Variants in TET2 observed in about 807,000 individuals in gnomAD.
TET2 encodes tet methylcytosine dioxygenase 2, also known as methylcytosine dioxygenase TET2.
In TET2, 299 loss-of-function variants were observed where a neutral mutation model predicts 142.9. That is an observed-to-expected ratio of 2.09 (90% CI 1.90 to 2.30). TET2 has a LOEUF of 2.30. Ranked by LOEUF, TET2 falls within the 30% of genes most tolerant of loss-of-function variation. TET2 has a pLI of 0.00. For missense variants in TET2, 2,418 were observed against 2,378.0 expected (o/e 1.02, Z -0.35); for synonymous variants, 819 against 849.0 (o/e 0.96, Z 0.61).
chr4:105,273,590 A>G (rs1731066519), intron 10 of TET2, among the ~76,000 whole-genome samples: 2 of 152,238 alleles, frequency 1.3e-5, no homozygotes, highest in African/African-American at 4.8e-5. Flanking sequence ...AAACACTGGA[A>G]TGAAAGAGAA....
At chr4:105,172,415 C>A (rs934185001) in intron 1 of TET2, 3 of 152,162 alleles carry the variant, frequency 2.0e-5, no homozygotes, top group African/African-American at 7.2e-5. Context: ...AATATATTTA[C>A]TATTTATTAA....
In TET2 at chr4:105,236,005, AT is replaced by A; in HGVS notation, c.2065del (p.Ser689ProfsTer11). The A allele has an allele frequency of 6.2e-7, 1 of 1,614,186 alleles. No homozygotes were observed. ...GTRFHFQQRADSQTEKLMSPV... is the reference protein window; with the variant it reads ...GTRFHFQQRAXSQTEKLMSPV... ...AGATTTCATTTTCAACAAAGAGCAG[AT>A]TCCCAAACTGAAAAACTTATGTCCC... On this transcript the variant is annotated frameshift_variant, in exon 3 of 11. Coordinates refer to ENST00000380013, the MANE Select transcript of TET2 (RefSeq NM_001127208.3). LOFTEE classifies it high-confidence loss of function.
At chr4:105,262,516 A>T (rs1382957159) in intron 8 of TET2, among the ~76,000 whole-genome samples, 4 of 152,124 alleles carry the variant, frequency 2.6e-5, no homozygotes, top group African/African-American at 9.7e-5. Flanking sequence ...GTGAAAGTCT[A>T]TTACAAACTA....
chr4:105,261,897 T>A, intron 8 of TET2, 49 bp downstream of exon 8: 6 of 1,062,648 alleles, frequency 5.6e-6, no homozygotes, highest in Non-Finnish European at 8.3e-6. Flanking sequence ...TACTTGTTAC[T>A]AATGACCTAT....
At position 105,190,605 on chromosome 4, in the gene TET2, C is replaced by A. The variant is rs1195472406; in HGVS notation, c.-47+100C>A. 6 of 640,910 alleles carry A rather than the reference C, an allele frequency of 9.4e-6. No individual in the cohort carries two copies. The East Asian group carries it at 1.6e-4, about 17-fold the overall frequency. 39.7% of individuals were successfully genotyped at this position (640,910 alleles called of 1,614,324 possible). Reference sequence around the variant, plus strand: ...CAAACTTCAACTTCAAGTTACCCTGCACCCTCTCAAATACTTTTCTTTATT... The same window carrying A: ...CAAACTTCAACTTCAAGTTACCCTGAACCCTCTCAAATACTTTTCTTTATT... On this transcript the variant is annotated intron_variant, in intron 2 of 10. Coordinates refer to ENST00000380013, the MANE Select transcript of TET2 (RefSeq NM_001127208.3).
chr4:105,196,466 T>A (rs992744884), intron 2 of TET2, among the ~76,000 whole-genome samples: 1 of 152,160 alleles, frequency 6.6e-6, no homozygotes, highest in Non-Finnish European at 1.5e-5. Context: ...AAGAACTCAG[T>A]ACAGAAAACC....
At chr4:105,162,744 C>T (rs1452678277) in intron 1 of TET2, among the ~76,000 whole-genome samples, 1 of 152,140 alleles carries the variant, frequency 6.6e-6, no homozygotes, top group Non-Finnish European at 1.5e-5. Context: ...TTATTATTTA[C>T]ATTTTATTTT....
Position 105,276,845 on chromosome 4 carries a change from C to CCCCCCCA in TET2, c.*330_*331insCCACCCC. 5 of 213,032 alleles carry CCCCCCCA rather than the reference C, an allele frequency of 2.3e-5. No homozygotes were observed. The highest frequency in any genetic ancestry group is 4.6e-5 in the Non-Finnish European group (5 of 107,740). 13.2% of individuals were successfully genotyped at this position (213,032 alleles called of 1,614,324 possible). A position where few individuals can be genotyped will look rare whatever the true frequency, so the allele number is the denominator to read the frequency against. On this transcript the variant is annotated 3_prime_UTR_variant, in exon 11 of 11. Coordinates refer to ENST00000380013, the MANE Select transcript of TET2 (RefSeq NM_001127208.3). ...GATGATATGTAAATGTGATCCCCCC[C>CCCCCCCA]CCCCGCTTACAACTCTACACATCTG...
chr4:105,164,868 ATATATAT>A (rs1724071697), intron 1 of TET2, among the ~76,000 whole-genome samples: 2 of 152,184 alleles, frequency 1.3e-5, no homozygotes, highest in African/African-American at 4.8e-5. Context: ...TTCAATCAAG[ATATATAT>A]TATGAGCTCA....
At chr4:105,226,766 CT>C in intron 2 of TET2, among the ~76,000 whole-genome samples, 1 of 152,242 alleles carries the variant, frequency 6.6e-6, no homozygotes, top group Non-Finnish European at 1.5e-5. Flanking sequence ...AGTGCTTTGC[CT>C]CCTATACAGC....
intron 4 of TET2, 57 bp downstream of exon 4, chr4:105,241,486 A>T: frequency 6.6e-7 from 1 of 1,510,136 alleles, no homozygotes; most frequent in South Asian, 1.3e-5. Flanking sequence ...ATATGTCAGA[A>T]TTTTTCCAGC....
chr4:105,238,665 T>C (rs1234865440), intron 3 of TET2: 1 of 243,196 alleles, frequency 4.1e-6, no homozygotes, highest in Non-Finnish European at 8.7e-6. Flanking sequence ...TCTTGCTACA[T>C]CTCCCTCATC....
chr4:105,215,094 TG>T (rs933378128), intron 2 of TET2, among the ~76,000 whole-genome samples: 19 of 152,074 alleles, frequency 1.2e-4, no homozygotes, highest in African/African-American at 4.6e-4. Context: ...TGCTTGTTAT[TG>T]GGGAGAAACC....
Position 105,275,440 on chromosome 4 carries a change from C to G in TET2, c.4930C>G (p.Pro1644Ala), listed in dbSNP as rs1422988232. 1.3e-6 allele frequency: 2 copies of G among 1,551,650 alleles called. No homozygotes were observed. Among genetic ancestry groups the G allele is most frequent in the Non-Finnish European group, 1.7e-6 (2 of 1,146,972 alleles). ...AAACCTATCAGTGGACAACTGCTCC[C>G]CATATCTGGGTTCCTATTCTCCCCA... ...NGNLSVDNCSPYLGSYSPQSQ... is the reference protein window; with the variant it reads ...NGNLSVDNCSAYLGSYSPQSQ... Residue 1644 changes from proline to alanine, a missense_variant, in exon 11 of 11, where the codon CCA becomes GCA. Physicochemically the swap from Pro to Ala is conservative, Grantham distance 27. Transcript: ENST00000380013.
At chr4:105,241,938 C>CTT (rs11284258) in intron 4 of TET2, 3 of 1,158,730 alleles carry the variant, frequency 2.6e-6, no homozygotes, top group Non-Finnish European at 3.2e-6. Context: ...TTACAGCTGC[C>CTT]TTTTTTTTTT....
At position 105,275,716 on chromosome 4, in the gene TET2, G is replaced by A. The variant is rs1171920925; in HGVS notation, c.5206G>A (p.Ala1736Thr). 1 of 1,551,728 alleles carries A rather than the reference G, an allele frequency of 6.4e-7. No individual in the cohort carries two copies. Among genetic ancestry groups the A allele is most frequent in the East Asian group, 2.4e-5 (1 of 40,920 alleles). ...THEMDGHFMGATSRLPPNLSN... is the reference protein window; with the variant it reads ...THEMDGHFMGTTSRLPPNLSN... ...TGAGATGGATGGCCACTTCATGGGA[G>A]CCACCTCTAGATTACCACCCAATCT... is the stretch of plus-strand genomic sequence containing the variant. The change falls in exon 11 of 11, where the codon GCC becomes ACC. Residue 1736 changes from alanine (A) to threonine (T), a missense_variant. Coordinates refer to ENST00000380013, the MANE Select transcript of TET2 (RefSeq NM_001127208.3).
At chr4:105,181,429 C>T (rs912983517) in intron 1 of TET2, among the ~76,000 whole-genome samples, 2 of 152,138 alleles carry the variant, frequency 1.3e-5, no homozygotes, top group East Asian at 1.9e-4. Flanking sequence ...GATAGACAAC[C>T]GACTCTTCTT....
intron 8 of TET2, among the ~76,000 whole-genome samples, chr4:105,262,294 G>A (rs1265209878): frequency 3.3e-5 from 5 of 151,968 alleles, no homozygotes; most frequent in South Asian, 2.1e-4. Flanking sequence ...TATATATTTC[G>A]GTCCAGATGT....
chr4:105,254,893 T>C (rs897166660), intron 6 of TET2, among the ~76,000 whole-genome samples: 1 of 152,238 alleles, frequency 6.6e-6, no homozygotes, highest in Middle Eastern at 3.2e-3. Context: ...TGGATGCCTT[T>C]GGAGTTGTTC....
Sources: gnomAD v4.1 joint callset for allele counts (sites outside exome capture counted in the v4.1 genomes callset) on GRCh38, gnomAD v4.1.1 for gene constraint, MANE v1.5 for transcripts, NCBI Gene and HGNC (gene_info 2026-07-23, HGNC 2026-07-21) for gene names.